The following PPM1B variants were observed in gnomAD, a reference collection of about 807,000 sequenced individuals.
PPM1B encodes protein phosphatase 1B.
Under a neutral mutation model 43.0 loss-of-function variants are expected in PPM1B, and 22 were observed. That is an observed-to-expected ratio of 0.51 (90% CI 0.37 to 0.73). The LOEUF is 0.73. Ranked by LOEUF, PPM1B falls within the 30% of genes least tolerant of loss-of-function variation. The pLI, the probability that PPM1B is intolerant of heterozygous loss-of-function variation, is 0.00. For missense variants in PPM1B, 632 were observed against 584.2 expected (o/e 1.08, Z -0.84); for synonymous variants, 217 against 197.9 (o/e 1.10, Z -0.81).
intron 1 of PPM1B, among the ~76,000 whole-genome samples, chr2:44,177,418 CTTT>C (rs35330548): frequency 8.2e-6 from 1 of 122,560 alleles, no homozygotes. Flanking sequence ...GTGAAATAAC[CTTT>C]TTTTTTTTTT....
In PPM1B at chr2:44,201,093, A is replaced by C; in HGVS notation, c.-14-93A>C. The C allele has an allele frequency of 7.7e-7, 1 of 1,290,422 alleles. No homozygotes were observed. The highest frequency in any genetic ancestry group is 1.0e-6 in the Non-Finnish European group (1 of 954,422). The allele number at this position is 1,290,422 out of a possible 1,614,324, so 79.9% of individuals were successfully genotyped here. ...AAATTAGGATAATACTAAAAAAAAT[A>C]CTTGAGGTAGGAGTTACTAGACTAT... On this transcript the variant is annotated intron_variant, in intron 1 of 5. Transcript: ENST00000282412. This position sits in a 1 kb window ranked among gnomAD's most constrained non-coding sequence, Gnocchi z 5.4.
chr2:44,206,781 C>G (rs1301869379), intron 2 of PPM1B, among the ~76,000 whole-genome samples: 1 of 152,076 alleles, frequency 6.6e-6, no homozygotes, highest in Non-Finnish European at 1.5e-5. Context: ...GGGCTAGTCT[C>G]AAACTCCTGG....
intron 5 of PPM1B, among the ~76,000 whole-genome samples, chr2:44,229,050 C>G (rs1159580267): frequency 2.0e-5 from 3 of 151,870 alleles, no homozygotes; most frequent in Non-Finnish European, 2.9e-5. Context: ...GGCATGGTGT[C>G]ACATGCCTGT....
At chr2:44,176,610 TTCTA>T (rs1225747310) in intron 1 of PPM1B, among the ~76,000 whole-genome samples, 1 of 152,236 alleles carries the variant, frequency 6.6e-6, no homozygotes, top group Non-Finnish European at 1.5e-5. Flanking sequence ...TTTCTGTTCT[TTCTA>T]TTGCTTTCCT....
intron 1 of PPM1B, among the ~76,000 whole-genome samples, chr2:44,195,874 C>G (rs1176745562): frequency 1.3e-5 from 2 of 152,100 alleles, no homozygotes; most frequent in Admixed American, 6.5e-5. Context: ...ATGTAAGAAG[C>G]CTGACCGTGT....
downstream of PPM1B, among the ~76,000 whole-genome samples, chr2:44,244,721 C>T (rs894656627): frequency 4.7e-5 from 7 of 150,380 alleles, no homozygotes; most frequent in African/African-American, 1.7e-4. Context: ...GCTTGTTCTA[C>T]GCGAATACAA....
chr2:44,204,496 C>G (rs1199049076), intron 2 of PPM1B, among the ~76,000 whole-genome samples: 2 of 152,110 alleles, frequency 1.3e-5, no homozygotes, highest in African/African-American at 4.8e-5. Flanking sequence ...TTTATCTTAA[C>G]TCATTAAATC....
At chr2:44,226,555 C>T (rs532468433) in intron 5 of PPM1B, among the ~76,000 whole-genome samples, 1 of 152,214 alleles carries the variant, frequency 6.6e-6, no homozygotes, top group East Asian at 1.9e-4. Flanking sequence ...AAAAGAACAA[C>T]CCAAATCCAC....
At position 44,197,693 on chromosome 2, in the gene PPM1B, G is replaced by A. The variant is rs566073084; in HGVS notation, c.-14-3493G>A. 2.4e-4 allele frequency among the ~76,000 whole-genome samples: 36 copies of A among 152,230 alleles called. 1 individual carries two copies. In the South Asian group the frequency reaches 7.1e-3, roughly 30 times the overall value. On this transcript the variant is annotated intron_variant, in intron 1 of 5. Transcript: ENST00000282412. ...CCAGAGTTTGAGAATGCAAGATTTA[G>A]GCTAGTCTTAATAGGTTCGATTTCT...
chr2:44,245,821 A>G (rs1472394634), downstream of PPM1B, among the ~76,000 whole-genome samples: 2 of 152,194 alleles, frequency 1.3e-5, no homozygotes, highest in Non-Finnish European at 1.5e-5. Context: ...CAATCCTGCC[A>G]AAAACTCCTG....
intron 1 of PPM1B, among the ~76,000 whole-genome samples, chr2:44,171,460 C>G (rs887642385): frequency 6.6e-6 from 1 of 152,060 alleles, no homozygotes; most frequent in Admixed American, 6.5e-5. Context: ...AAATATGATG[C>G]TGATTATGTC....
intron 1 of PPM1B, among the ~76,000 whole-genome samples, chr2:44,199,614 G>C (rs1480127076): frequency 2.0e-5 from 3 of 152,088 alleles, no homozygotes; most frequent in Non-Finnish European, 4.4e-5. Context: ...TTAGAACTAG[G>C]CTTTAAAATC....
intron 5 of PPM1B, among the ~76,000 whole-genome samples, chr2:44,243,699 G>GT (rs1558439799): frequency 6.6e-6 from 1 of 151,710 alleles, no homozygotes; most frequent in Admixed American, 6.6e-5. Flanking sequence ...CTATTTTATC[G>GT]TTTTGTGTTG....
intron 1 of PPM1B, among the ~76,000 whole-genome samples, chr2:44,186,027 A>T (rs556854268): frequency 1.4e-3 from 210 of 152,166 alleles, no homozygotes; most frequent in African/African-American, 4.8e-3. Context: ...TGATGGGTGG[A>T]GTTGTTTTTC....
At chr2:44,191,433 G>T in intron 1 of PPM1B, among the ~76,000 whole-genome samples, 1 of 151,984 alleles carries the variant, frequency 6.6e-6, no homozygotes, top group Non-Finnish European at 1.5e-5. Flanking sequence ...CCAGGCTGGT[G>T]TCGAACTCCT....
intron 5 of PPM1B, among the ~76,000 whole-genome samples, chr2:44,220,164 C>A (rs1028512477): frequency 1.3e-5 from 2 of 151,760 alleles, no homozygotes; most frequent in African/African-American, 4.8e-5. Flanking sequence ...GGAAATAAGC[C>A]CTCAGAAGAC....
At position 44,217,962 on chromosome 2, in the gene PPM1B, TAC is replaced by T; in HGVS notation, c.965-3_965-2del. ...ATTTAGGAACTTTTTTTAAAAAACC[TAC>T]AGAGATTATGGAGAAGTCTGGCGAG... On this transcript the variant is annotated splice_polypyrimidine_tract_variant and splice_region_variant and intron_variant, in intron 3 of 5. Transcript: ENST00000282412. 1 of 1,579,270 alleles carries T rather than the reference TAC, an allele frequency of 6.3e-7. No homozygotes were observed. The highest frequency in any genetic ancestry group is 1.2e-5 in the South Asian group (1 of 85,532).
chr2:44,233,459 C>T, downstream of PPM1B: 1 of 984,018 alleles, frequency 1.0e-6, no homozygotes, highest in Non-Finnish European at 1.2e-6. Context: ...GTATTAAATT[C>T]AATTAATGCT....
intron 5 of PPM1B, among the ~76,000 whole-genome samples, chr2:44,227,743 C>T (rs1172312107): frequency 6.6e-6 from 1 of 151,534 alleles, no homozygotes; most frequent in Non-Finnish European, 1.5e-5. Context: ...TGATCTCGAA[C>T]TGCTGACCTC....
Sources: gnomAD v4.1 joint callset for allele counts (sites outside exome capture counted in the v4.1 genomes callset) on GRCh38, gnomAD v4.1.1 for gene constraint, Gnocchi (gnomAD v3.1) non-coding constraint, MANE v1.5 for transcripts, NCBI Gene and HGNC (gene_info 2026-07-23, HGNC 2026-07-21) for gene names.